Variants in VAT1L observed in about 807,000 individuals in gnomAD.
VAT1L encodes the protein vesicle amine transport 1 like, also known as putative NADPH-dependent quinone oxidoreductase VAT1L.
VAT1L carries 34 observed loss-of-function variants against 44.1 expected under a neutral mutation model. That is an observed-to-expected ratio of 0.77 (90% CI 0.59 to 1.03). The LOEUF (loss-of-function observed/expected upper bound fraction) is 1.03, where lower values mean the gene tolerates loss of function less well. Among genes scored for constraint, VAT1L ranks in the 50% least tolerant of loss-of-function variants. VAT1L has a pLI of 0.00. For missense variants in VAT1L, 615 were observed against 538.8 expected, an observed-to-expected ratio of 1.14 and a Z score of -1.40; for synonymous variants, 253 against 202.2, an observed-to-expected ratio of 1.25 and a Z score of -2.13.
At chr16:77,929,119 A>C (rs1047064312) in intron 7 of VAT1L, among the ~76,000 whole-genome samples, 3 of 152,044 alleles carry the variant, frequency 2.0e-5, no homozygotes, top group Non-Finnish European at 2.9e-5. Flanking sequence ...TAGCCGCTCT[A>C]TTATTTTTAT....
intron 1 of VAT1L, among the ~76,000 whole-genome samples, chr16:77,802,946 G>A (rs529872503): frequency 2.6e-5 from 4 of 152,196 alleles, no homozygotes; most frequent in South Asian, 2.1e-4. Flanking sequence ...TCACGGCAGC[G>A]GACACAGCAG....
At chr16:77,892,947 A>C in intron 7 of VAT1L, 1 of 832,870 alleles carries the variant, frequency 1.2e-6, no homozygotes, top group Non-Finnish European at 2.0e-6. Context: ...CTTAACCTCC[A>C]GACCATTCTA....
chr16:77,941,604 T>C (rs2017884437), intron 7 of VAT1L, among the ~76,000 whole-genome samples: 1 of 152,072 alleles, frequency 6.6e-6, no homozygotes, highest in African/African-American at 2.4e-5. Context: ...ACTGCCTTTT[T>C]TTGAGAGTCT....
chr16:77,933,879 A>G (rs2017761390), intron 7 of VAT1L, among the ~76,000 whole-genome samples: 1 of 152,240 alleles, frequency 6.6e-6, no homozygotes, highest in Non-Finnish European at 1.5e-5. Context: ...CAGATGGTGC[A>G]TAATCTGGGA....
intron 7 of VAT1L, among the ~76,000 whole-genome samples, chr16:77,939,669 G>C (rs1423764321): frequency 1.3e-5 from 2 of 152,110 alleles, no homozygotes; most frequent in Non-Finnish European, 1.5e-5. Flanking sequence ...AGACCAAAAA[G>C]ATACACAGAG....
intron 7 of VAT1L, among the ~76,000 whole-genome samples, chr16:77,945,101 C>G (rs932173441): frequency 1.3e-5 from 2 of 152,080 alleles, no homozygotes; most frequent in African/African-American, 4.8e-5. Context: ...ACAGGCCATT[C>G]AGAGTGTTCA....
chr16:77,846,929 A>G (rs1418062352), intron 3 of VAT1L, among the ~76,000 whole-genome samples: 1 of 152,216 alleles, frequency 6.6e-6, no homozygotes, highest in Non-Finnish European at 1.5e-5. Context: ...AGAATAAGCC[A>G]AATTATTTAG....
chr16:77,958,370 G>A (rs552885781), intron 7 of VAT1L, among the ~76,000 whole-genome samples: 19 of 152,152 alleles, frequency 1.2e-4, no homozygotes, highest in African/African-American at 2.7e-4. Context: ...TACACACTGC[G>A]CAACAGATAT....
chr16:77,947,962 G>T (rs2017990828), intron 7 of VAT1L, among the ~76,000 whole-genome samples: 1 of 152,102 alleles, frequency 6.6e-6, no homozygotes, highest in African/African-American at 2.4e-5. Flanking sequence ...TTTTCCCCAT[G>T]TTGGTCAGGC....
At chr16:77,933,049 G>T (rs2017750629) in intron 7 of VAT1L, among the ~76,000 whole-genome samples, 1 of 152,166 alleles carries the variant, frequency 6.6e-6, no homozygotes, top group African/African-American at 2.4e-5. Flanking sequence ...GTCTTCCTGA[G>T]TGTTTAGGAA....
Position 77,788,579 on chromosome 16 carries a change from A to C in VAT1L, c.-104A>C, listed in dbSNP as rs1476483994. The C allele has an allele frequency of 3.8e-6, 5 of 1,314,142 alleles. No homozygotes were observed. The highest frequency in any genetic ancestry group is 5.2e-6 in the Non-Finnish European group (5 of 955,558). 81.4% of individuals were successfully genotyped at this position (1,314,142 alleles called of 1,614,324 possible). A position where few individuals can be genotyped will look rare whatever the true frequency, so the allele number is the denominator to read the frequency against. ...GGCTGCAGCCATTGCACAGCCGAGCATCCCACATTCAACAGGAGGAACCCG... is the reference window on the plus strand; with the variant it reads ...GGCTGCAGCCATTGCACAGCCGAGCCTCCCACATTCAACAGGAGGAACCCG... On this transcript the variant is annotated 5_prime_UTR_variant, in exon 1 of 9. Transcript: ENST00000302536.
intron 7 of VAT1L, among the ~76,000 whole-genome samples, chr16:77,899,812 A>T (rs1484459041): frequency 6.6e-6 from 1 of 152,250 alleles, no homozygotes; most frequent in Non-Finnish European, 1.5e-5. Flanking sequence ...CAAGACACAC[A>T]ACTCTACTAA....
At chr16:77,972,009 G>A (rs77818551) in intron 8 of VAT1L, 76 bp downstream of exon 8, 52 of 1,427,730 alleles carry the variant, frequency 3.6e-5, no homozygotes, top group Non-Finnish European at 4.6e-5. Flanking sequence ...AGACACGGGT[G>A]GGGTAGAAGG....
intron 1 of VAT1L, among the ~76,000 whole-genome samples, chr16:77,804,581 C>T (rs1013945407): frequency 6.6e-6 from 1 of 152,208 alleles, no homozygotes; most frequent in African/African-American, 2.4e-5. Flanking sequence ...ATATTACCCT[C>T]ATCATCACTG....
At chr16:77,895,985 G>T (rs1212564499) in intron 7 of VAT1L, among the ~76,000 whole-genome samples, 3 of 152,186 alleles carry the variant, frequency 2.0e-5, no homozygotes, top group Non-Finnish European at 2.9e-5. Context: ...CTGGAAGTTG[G>T]AGAGAAAGAT....
intron 8 of VAT1L, among the ~76,000 whole-genome samples, chr16:77,975,537 C>G (rs558268362): frequency 6.6e-6 from 1 of 152,208 alleles, no homozygotes; most frequent in African/African-American, 2.4e-5. Context: ...CCTCACTCAG[C>G]CCCGAATCTG....
intron 7 of VAT1L, among the ~76,000 whole-genome samples, chr16:77,970,246 T>G (rs430101): frequency 0.33 from 50,821 of 151,730 alleles, 8,707 homozygotes; most frequent in Middle Eastern, 0.39. Flanking sequence ...CCCAAAAATG[T>G]GTTGATTCCG....
At chr16:77,918,324 T>C (rs982384640) in intron 7 of VAT1L, among the ~76,000 whole-genome samples, 3 of 152,194 alleles carry the variant, frequency 2.0e-5, no homozygotes, top group Admixed American at 1.3e-4. Context: ...GGTGCTACCA[T>C]CCGTGCAGGA....
At chr16:77,866,252 T>C (rs11649616) in intron 4 of VAT1L, among the ~76,000 whole-genome samples, 4,288 of 152,326 alleles carry the variant, frequency 0.028, 78 homozygotes, top group South Asian at 0.043. Context: ...TATAGCATTG[T>C]CTGCAATAGT....
Sources: gnomAD v4.1 joint callset for allele counts (sites outside exome capture counted in the v4.1 genomes callset) on GRCh38, gnomAD v4.1.1 for gene constraint, MANE v1.5 for transcripts, NCBI Gene and HGNC (gene_info 2026-07-23, HGNC 2026-07-21) for gene names.